MICAL3: variants seen among roughly 807,000 people sequenced by gnomAD.
MICAL3 encodes the protein microtubule associated monooxygenase, calponin and LIM domain containing 3, also known as [F-actin]-monooxygenase MICAL3.
MICAL3 carries 62 observed loss-of-function variants against 207.4 expected under a neutral mutation model. That is an observed-to-expected ratio of 0.30 (90% CI 0.24 to 0.37). The LOEUF (loss-of-function observed/expected upper bound fraction) is 0.37, where lower values mean the gene tolerates loss of function less well. Among genes scored for constraint, MICAL3 ranks in the 10% least tolerant of loss-of-function variants. The pLI is 1.00. For synonymous variants in MICAL3, 1,077 were observed against 1,069.3 expected (o/e 1.01, Z -0.14); for missense variants, 2,368 against 2,635.6 (o/e 0.90, Z 2.22).
intron 1 of MICAL3, among the ~76,000 whole-genome samples, chr22:17,949,249 TAAC>T (rs772005336): frequency 9.9e-5 from 15 of 152,166 alleles, no homozygotes; most frequent in Admixed American, 6.5e-4. Flanking sequence ...TCTCAAAGAT[TAAC>T]AAGAATCCAA....
chr22:17,998,204 T>C (rs1421320855), intron 1 of MICAL3, among the ~76,000 whole-genome samples: 1 of 138,682 alleles, frequency 7.2e-6, no homozygotes, highest in African/African-American at 2.8e-5. Context: ...CTTGAGAGGC[T>C]GAGGCAGAAG....
chr22:17,861,391 C>T lies in MICAL3; in HGVS notation c.2605+3508G>A, dbSNP rs555901031. 1.6e-5 allele frequency: 16 copies of T among 985,464 alleles called. No individual in the cohort carries two copies. The African/African-American group carries it at 2.4e-4, about 15-fold the overall frequency. The allele number at this position is 985,464 out of a possible 1,614,324, so 61.0% of individuals were successfully genotyped here. On this transcript the variant is annotated intron_variant, in intron 19 of 31. Coordinates refer to ENST00000441493, the MANE Select transcript of MICAL3 (RefSeq NM_015241.3). ...TTTCCATAAGATGACAGGAAACTAA[C>T]GTGCTTCTCCCCGTCCATCTCTGGC...
At chr22:17,823,300 G>A (rs1282782524) in intron 22 of MICAL3, among the ~76,000 whole-genome samples, 1 of 152,216 alleles carries the variant, frequency 6.6e-6, no homozygotes, top group East Asian at 1.9e-4. Flanking sequence ...GGGAAGAGAA[G>A]AGCGGCTGAA....
chr22:17,991,663 A>G (rs552821342), intron 1 of MICAL3, among the ~76,000 whole-genome samples: 1 of 152,200 alleles, frequency 6.6e-6, no homozygotes, highest in African/African-American at 2.4e-5. Context: ...TATAGAAGAC[A>G]TAAGTAATTT....
chr22:17,881,096 T>G, intron 16 of MICAL3: 1 of 952,714 alleles, frequency 1.0e-6, no homozygotes, highest in Non-Finnish European at 1.7e-6. Context: ...CCTTTCTTCT[T>G]GATAGTTATT....
chr22:17,971,547 C>T (rs1050951084), intron 1 of MICAL3, among the ~76,000 whole-genome samples: 1 of 152,160 alleles, frequency 6.6e-6, no homozygotes, highest in African/African-American at 2.4e-5. Context: ...ATTCATCTAG[C>T]ATTCATCTAG....
At position 17,832,193 on chromosome 22, in the gene MICAL3, G is replaced by A. The variant is rs1245911313; in HGVS notation, c.2802-86C>T. 8 of 1,469,488 alleles carry A rather than the reference G, an allele frequency of 5.4e-6. No individual in the cohort carries two copies. The African/African-American group carries it at 7.0e-5, about 13-fold the overall frequency. The allele number at this position is 1,469,488 out of a possible 1,614,324, so 91.0% of individuals were successfully genotyped here. On this transcript the variant is annotated intron_variant, in intron 20 of 31. Coordinates refer to ENST00000441493, the MANE Select transcript of MICAL3 (RefSeq NM_015241.3). ...GGGAAGGGCCACCATCAGAAACAATGCATGTCAGGCAAAGCAGCTGCTGAG... is the reference window on the plus strand; with the variant it reads ...GGGAAGGGCCACCATCAGAAACAATACATGTCAGGCAAAGCAGCTGCTGAG...
At chr22:18,023,439 T>TACA (rs71184763) in intron 1 of MICAL3, among the ~76,000 whole-genome samples, 53,941 of 151,852 alleles carry the variant, frequency 0.36, 10,546 homozygotes, top group Admixed American at 0.44. Flanking sequence ...TTCATTTCTT[T>TACA]ACAATGAAAA....
intron 29 of MICAL3, among the ~76,000 whole-genome samples, chr22:17,798,389 T>TA (rs934500209): frequency 3.3e-5 from 5 of 152,148 alleles, no homozygotes; most frequent in African/African-American, 1.2e-4. Flanking sequence ...CCTGCGTAGA[T>TA]AGAGATCATT....
chr22:17,829,679 C>G (rs1406443076), intron 21 of MICAL3, among the ~76,000 whole-genome samples: 2 of 152,242 alleles, frequency 1.3e-5, no homozygotes, highest in South Asian at 4.1e-4. Flanking sequence ...ATCGACAGCA[C>G]AAGCCAGCAT....
At chr22:17,869,189 C>T (rs760596786) in intron 17 of MICAL3, among the ~76,000 whole-genome samples, 26 of 152,280 alleles carry the variant, frequency 1.7e-4, no homozygotes, top group South Asian at 2.1e-4. Flanking sequence ...GGGGTGGACA[C>T]GCAATGCTCT....
chr22:18,011,153 T>C (rs539507055), intron 1 of MICAL3, among the ~76,000 whole-genome samples: 1 of 152,300 alleles, frequency 6.6e-6, no homozygotes, highest in Non-Finnish European at 1.5e-5. Flanking sequence ...ACCACAATCA[T>C]TGATTTTCAT....
intron 28 of MICAL3, among the ~76,000 whole-genome samples, chr22:17,809,763 T>C (rs748596321): frequency 6.6e-6 from 1 of 152,204 alleles, no homozygotes; most frequent in Non-Finnish European, 1.5e-5. Flanking sequence ...ATCCCAGGCC[T>C]ATCAGAGGCT....
chr22:17,943,740 T>C (rs150440462), intron 1 of MICAL3, among the ~76,000 whole-genome samples: 60 of 152,314 alleles, frequency 3.9e-4, no homozygotes, highest in African/African-American at 1.4e-3. Context: ...ACCTGTCCCA[T>C]AGAGAAAACA....
In MICAL3 at chr22:17,946,479, T is replaced by A. The variant is rs115817164; in HGVS notation, c.-74-39593A>T. Reference sequence around the variant, plus strand: ...CTAACTTATAAATGGGACACATCTTTGTATGTGCAAAAGATCCCTCAGGCG... The same window carrying A: ...CTAACTTATAAATGGGACACATCTTAGTATGTGCAAAAGATCCCTCAGGCG... On this transcript the variant is annotated intron_variant, in intron 1 of 31. Transcript: ENST00000441493. Among the ~76,000 whole-genome samples, 851 of 152,124 alleles carry A rather than the reference T, an allele frequency of 5.6e-3. 6 individuals carry two copies. The highest frequency in any genetic ancestry group is 0.019 in the African/African-American group (794 of 41,492).
At chr22:17,891,442 C>A in intron 12 of MICAL3, 43 bp downstream of exon 12, 2 of 1,598,122 alleles carry the variant, frequency 1.3e-6, no homozygotes, top group Non-Finnish European at 1.7e-6. Context: ...GGTCTGAGAT[C>A]CTTGAGGAGT....
chr22:17,862,775 G>A (rs1414614198), intron 19 of MICAL3: 3 of 985,338 alleles, frequency 3.0e-6, no homozygotes, highest in African/African-American at 1.7e-5. Flanking sequence ...CTGAGCTGCC[G>A]GACTAAGATG....
intron 1 of MICAL3, among the ~76,000 whole-genome samples, chr22:18,011,685 A>C (rs966553684): frequency 4.0e-5 from 6 of 151,690 alleles, no homozygotes; most frequent in Non-Finnish European, 8.8e-5. Context: ...CCTGGCTAAC[A>C]CGGTAAAAAT....
At chr22:18,013,243 C>T (rs373119908) in intron 1 of MICAL3, among the ~76,000 whole-genome samples, 1 of 152,228 alleles carries the variant, frequency 6.6e-6, no homozygotes, top group South Asian at 2.1e-4. Context: ...GCTTTGCATT[C>T]AGTTATATGA....
Sources: allele counts gnomAD v4.1 joint callset (sites outside exome capture counted in the v4.1 genomes callset), GRCh38; gene constraint gnomAD v4.1.1; transcripts MANE v1.5; gene names NCBI Gene and HGNC (gene_info 2026-07-23, HGNC 2026-07-21).